The following BTNL9 variants were observed in gnomAD, a reference collection of about 807,000 sequenced individuals.
BTNL9 encodes the protein butyrophilin like 9.
BTNL9 carries 45 observed loss-of-function variants against 45.8 expected under a neutral mutation model. That is an observed-to-expected ratio of 0.98 (90% confidence interval 0.77 to 1.26). The LOEUF (loss-of-function observed/expected upper bound fraction) is 1.26, where lower values mean the gene tolerates loss of function less well. BTNL9 is among the 50% of genes most tolerant of loss of function. The pLI is 0.00. For missense variants in BTNL9, 784 were observed against 729.7 expected, an observed-to-expected ratio of 1.07 and a Z score of -0.86; for synonymous variants, 346 against 330.8, an observed-to-expected ratio of 1.05 and a Z score of -0.50.
At chr5:181,044,161 G>A (rs1760960199) in intron 1 of BTNL9, among the ~76,000 whole-genome samples, 1 of 152,146 alleles carries the variant, frequency 6.6e-6, no homozygotes. Flanking sequence ...AAGGGTCCCT[G>A]GGGAGCCTCT....
At chr5:181,044,404 G>A (rs1760975981) in intron 1 of BTNL9, among the ~76,000 whole-genome samples, 1 of 152,154 alleles carries the variant, frequency 6.6e-6, no homozygotes, top group Admixed American at 6.5e-5. Flanking sequence ...GCCCACCGTG[G>A]CCTTCCAACA....
At position 181,042,065 on chromosome 5, in the gene BTNL9, G is replaced by C. The variant is rs746921681; in HGVS notation, c.-24+1633G>C. ...TTTAGGAATTGCAGGTGCAGGAGGA[G>C]AGAACAGGAGTGGGGCGGGCTGGGG... is the stretch of plus-strand genomic sequence containing the variant. On this transcript the variant is annotated intron_variant, in intron 1 of 10. Coordinates refer to ENST00000327705, the MANE Select transcript of BTNL9 (RefSeq NM_152547.5). The surrounding 1 kb of genome is among the most constrained non-coding windows in gnomAD (Gnocchi z 4.5). 5.9e-5 allele frequency among the ~76,000 whole-genome samples: 9 copies of C among 152,238 alleles called. No individual in the cohort carries two copies. The highest frequency in any genetic ancestry group is 1.3e-4 in the Non-Finnish European group (9 of 68,042).
chr5:181,056,342 G>T (rs948268246), intron 9 of BTNL9, among the ~76,000 whole-genome samples: 1 of 152,146 alleles, frequency 6.6e-6, no homozygotes, highest in African/African-American at 2.4e-5. Flanking sequence ...CACCCATAAT[G>T]CAGACAGTCT....
At chr5:181,048,305 A>G (rs753610948) in intron 3 of BTNL9, 34 bp downstream of exon 3, 68 of 1,534,924 alleles carry the variant, frequency 4.4e-5, no homozygotes, top group Non-Finnish European at 5.8e-5. Flanking sequence ...TGCAGAGGAG[A>G]GGGAGATCCA....
intron 1 of BTNL9, among the ~76,000 whole-genome samples, chr5:181,044,257 C>T (rs890257962): frequency 1.3e-5 from 2 of 152,198 alleles, no homozygotes; most frequent in African/African-American, 4.8e-5. Context: ...TTCCTTCACA[C>T]CTGCTGATGG....
chr5:181,055,091 C>CCAAG lies in BTNL9; in HGVS notation c.908-342_908-341insCAAG. On this transcript the variant is annotated intron_variant, in intron 7 of 10. Transcript: ENST00000327705. The surrounding 1 kb of genome is among the most constrained non-coding windows in gnomAD (Gnocchi z 4.4). The stretch of plus-strand genomic sequence containing the variant: ...GGCTCACGTAGGCGGCCCTCAGTGC[C>CCAAG]TGCACTTAGGCGGGAGCTCCGCCCC... The CCAAG allele has an allele frequency of 8.9e-7, 1 of 1,121,826 alleles. No homozygotes were observed. The highest frequency in any genetic ancestry group is 3.9e-4 in the Middle Eastern group (1 of 2,560). The allele number at this position is 1,121,826 out of a possible 1,614,324, so 69.5% of individuals were successfully genotyped here.
rs1761497689 is a variant in BTNL9, at chr5:181,050,956, A to C, written c.736+587A>C. Among the ~76,000 whole-genome samples the C allele has an allele frequency of 6.6e-6, 1 of 151,866 alleles. No homozygotes were observed. Reference sequence around the variant, plus strand: ...ACAAAAATTAGCCCGGCATAGTGGCAGGCGCCTGTAATCCCAGCTACTCGG... The same window carrying C: ...ACAAAAATTAGCCCGGCATAGTGGCCGGCGCCTGTAATCCCAGCTACTCGG... On this transcript the variant is annotated intron_variant, in intron 4 of 10. Coordinates refer to ENST00000327705, the MANE Select transcript of BTNL9 (RefSeq NM_152547.5). This position sits in a 1 kb window ranked among gnomAD's most constrained non-coding sequence, Gnocchi z 4.9.
At chr5:181,043,242 CTG>C (rs756509234) in intron 1 of BTNL9, among the ~76,000 whole-genome samples, 7 of 67,696 alleles carry the variant, frequency 1.0e-4, no homozygotes, top group South Asian at 7.1e-4. Context: ...ATGTGTGTGT[CTG>C]TGTGTGTGTG....
intron 1 of BTNL9, among the ~76,000 whole-genome samples, chr5:181,043,722 A>C (rs956588405): frequency 2.0e-5 from 3 of 152,234 alleles, no homozygotes; most frequent in Admixed American, 6.5e-5. Flanking sequence ...AGAAGAAAAG[A>C]CTGAAGTATA....
At chr5:181,049,552 G>C (rs913559638) in intron 3 of BTNL9, among the ~76,000 whole-genome samples, 2 of 152,218 alleles carry the variant, frequency 1.3e-5, no homozygotes, top group Admixed American at 1.3e-4. Context: ...GAGATTGGCC[G>C]CTGAGGGTGA....
intron 4 of BTNL9, among the ~76,000 whole-genome samples, chr5:181,051,893 G>T (rs57916644): frequency 0.013 from 2,026 of 152,126 alleles, 52 homozygotes; most frequent in African/African-American, 0.046. Context: ...TTGCATGCGC[G>T]GACCCCTCTA....
chr5:181,043,947 A>G (rs1197090569), intron 1 of BTNL9, among the ~76,000 whole-genome samples: 1 of 152,152 alleles, frequency 6.6e-6, no homozygotes, highest in Non-Finnish European at 1.5e-5. Flanking sequence ...TGTTCCAATA[A>G]CTGAGAGGTG....
chr5:181,046,401 C>T (rs1440023870), intron 2 of BTNL9, among the ~76,000 whole-genome samples: 2 of 152,094 alleles, frequency 1.3e-5, no homozygotes, highest in Admixed American at 6.5e-5. Flanking sequence ...CAGAGCAAGA[C>T]GGTGCCAGGA....
chr5:181,048,902 AATAT>A (rs1309877986), intron 3 of BTNL9, among the ~76,000 whole-genome samples: 1 of 66,070 alleles, frequency 1.5e-5, no homozygotes, highest in South Asian at 6.4e-4. Flanking sequence ...ATGATATATA[AATAT>A]ATATAATATA....
Position 181,053,521 on chromosome 5 carries a change from T to C in BTNL9, c.886+20T>C. On this transcript the variant is annotated intron_variant, in intron 6 of 10. Transcript: ENST00000327705. This position sits in a 1 kb window ranked among gnomAD's most constrained non-coding sequence, Gnocchi z 6.5. ...GACAAGGTGAGCGGGGACAGGGCGT[T>C]CTGCACGCACCTGCCCAAGTGCCAA... 1 of 1,570,476 alleles carries C rather than the reference T, an allele frequency of 6.4e-7. No individual in the cohort carries two copies. Among genetic ancestry groups the C allele is most frequent in the Admixed American group, 1.9e-5 (1 of 53,434 alleles).
intron 4 of BTNL9, among the ~76,000 whole-genome samples, chr5:181,051,066 G>A (rs1284896072): frequency 5.1e-5 from 7 of 138,520 alleles, no homozygotes; most frequent in African/African-American, 1.6e-4. Context: ...GCAACAGAGC[G>A]AGAATCCGTC....
intron 1 of BTNL9, among the ~76,000 whole-genome samples, 170 bp downstream of exon 1, chr5:181,040,602 G>A (rs778827816): frequency 1.1e-4 from 16 of 152,228 alleles, no homozygotes; most frequent in Non-Finnish European, 1.6e-4. Context: ...AGATGTCCAC[G>A]CCCGTTTAGG....
Position 181,055,282 on chromosome 5 carries a change from G to T in BTNL9, c.908-151G>T. On this transcript the variant is annotated intron_variant, in intron 7 of 10. Coordinates refer to ENST00000327705, the MANE Select transcript of BTNL9 (RefSeq NM_152547.5). This position sits in a 1 kb window ranked among gnomAD's most constrained non-coding sequence, Gnocchi z 4.4. ...AGATGGGCCTCTTTTTGAGGGCAAT[G>T]AAGGGGCAAAGAGGAAGCTGTAAAA... The T allele has an allele frequency of 6.6e-7, 1 of 1,523,884 alleles. No individual in the cohort carries two copies. The allele number at this position is 1,523,884 out of a possible 1,614,324, so 94.4% of individuals were successfully genotyped here.
Position 181,055,763 on chromosome 5 carries a change from T to C in BTNL9, c.929-226T>C, listed in dbSNP as rs911863549. The C allele has an allele frequency of 8.8e-5, 63 of 712,204 alleles. 1 individual carries two copies. The Middle Eastern group carries it at 2.1e-3, about 23-fold the overall frequency. The allele number at this position is 712,204 out of a possible 1,614,324, so 44.1% of individuals were successfully genotyped here. A position where few individuals can be genotyped will look rare whatever the true frequency, so the allele number is the denominator to read the frequency against. ...CAGCCTGGGCGACAGAGCGAGACTC[T>C]GTCTCAAAAAAAAAAAGAACTATTT... is the stretch of plus-strand genomic sequence containing the variant. On this transcript the variant is annotated intron_variant, in intron 8 of 10. Transcript: ENST00000327705. The surrounding 1 kb of genome is among the most constrained non-coding windows in gnomAD (Gnocchi z 4.4).
Sources: allele counts gnomAD v4.1 joint callset (sites outside exome capture counted in the v4.1 genomes callset), GRCh38; gene constraint gnomAD v4.1.1; non-coding constraint Gnocchi (gnomAD v3.1); transcripts MANE v1.5; gene names NCBI Gene and HGNC (gene_info 2026-07-23, HGNC 2026-07-21).